The following FAM124A variants were observed in gnomAD, a reference collection of about 807,000 sequenced individuals.
FAM124A encodes the protein protein FAM124A.
FAM124A carries 23 observed loss-of-function variants against 24.5 expected under a neutral mutation model. That is an observed-to-expected ratio of 0.94 (90% CI 0.68 to 1.33). The LOEUF is 1.33. Ranked by LOEUF, FAM124A falls within the 40% of genes most tolerant of loss-of-function variation. The pLI is 0.00. For synonymous variants in FAM124A, 287 were observed against 314.7 expected (o/e 0.91, Z 0.93); for missense variants, 623 against 722.8 (o/e 0.86, Z 1.58).
chr13:51,239,018 C>G (rs774163873), intron 2 of FAM124A, among the ~76,000 whole-genome samples: 3 of 151,992 alleles, frequency 2.0e-5, no homozygotes, highest in Non-Finnish European at 4.4e-5. Flanking sequence ...GATTTCCATC[C>G]GGGATATGAA....
chr13:51,244,233 C>G (rs554739239), intron 2 of FAM124A, among the ~76,000 whole-genome samples: 1 of 152,158 alleles, frequency 6.6e-6, no homozygotes, highest in Non-Finnish European at 1.5e-5. Flanking sequence ...TTGGAAACCA[C>G]GTTGAGCATG....
Position 51,261,465 on chromosome 13 carries a change from G to A in FAM124A, c.834+9264G>A, listed in dbSNP as rs914259828. ...AAAATAATTTCTCAGAGCATCATCT[G>A]GGTTTAATATTCCGGCGGCAGGTAT... On this transcript the variant is annotated intron_variant, in intron 3 of 3. Coordinates refer to ENST00000322475, the MANE Select transcript of FAM124A (RefSeq NM_001242312.2). Among the ~76,000 whole-genome samples, 8 of 152,216 alleles carry A rather than the reference G, an allele frequency of 5.3e-5. 1 individual carries two copies. The highest frequency in any genetic ancestry group is 2.0e-4 in the Admixed American group (3 of 15,280).
At position 51,283,015 on chromosome 13, in the gene FAM124A, A is replaced by G. The variant is rs1003582972; in HGVS notation, c.*1759A>G. 6.6e-6 allele frequency: 1 copy of G among 152,066 alleles called. No individual in the cohort carries two copies. The highest frequency in any genetic ancestry group is 6.6e-5 in the Admixed American group (1 of 15,250). The allele number at this position is 152,066 out of a possible 1,614,324, so 9.4% of individuals were successfully genotyped here. ...GCAGCCATGAGTAATATGTTAATGA[A>G]TGGGAATGGCTGAGTTCCAATAAAG... On this transcript the variant is annotated 3_prime_UTR_variant, in exon 4 of 4. Transcript: ENST00000322475.
intron 2 of FAM124A, among the ~76,000 whole-genome samples, chr13:51,234,974 C>T (rs891851624): frequency 6.6e-6 from 1 of 152,156 alleles, no homozygotes; most frequent in Non-Finnish European, 1.5e-5. Context: ...TCCTCTTTTC[C>T]TCCACCTCAC....
chr13:51,270,293 C>T (rs17194872), intron 3 of FAM124A, among the ~76,000 whole-genome samples: 12,669 of 152,232 alleles, frequency 0.083, 613 homozygotes, highest in Non-Finnish European at 0.11. Context: ...TTATTTACAA[C>T]GTACTTGCAT....
At chr13:51,264,175 A>C (rs764472910) in intron 3 of FAM124A, among the ~76,000 whole-genome samples, 2 of 152,176 alleles carry the variant, frequency 1.3e-5, no homozygotes, top group Admixed American at 6.5e-5. Context: ...AATGCCCATG[A>C]TTGCTATTTG....
At chr13:51,246,447 G>A (rs1954563376) in intron 2 of FAM124A, among the ~76,000 whole-genome samples, 1 of 148,974 alleles carries the variant, frequency 6.7e-6, no homozygotes, top group South Asian at 2.1e-4. Flanking sequence ...GCTTGAAGCT[G>A]CGTTCTGTGT....
At position 51,251,342 on chromosome 13, in the gene FAM124A, C is replaced by T; in HGVS notation, c.101-126C>T. 8.0e-7 allele frequency: 1 copy of T among 1,251,960 alleles called. No individual in the cohort carries two copies. Among genetic ancestry groups the T allele is most frequent in the Non-Finnish European group, 1.1e-6 (1 of 949,878 alleles). 77.6% of individuals were successfully genotyped at this position (1,251,960 alleles called of 1,614,324 possible). A position where few individuals can be genotyped will look rare whatever the true frequency, so the allele number is the denominator to read the frequency against. On this transcript the variant is annotated intron_variant, in intron 2 of 3. Coordinates refer to ENST00000322475, the MANE Select transcript of FAM124A (RefSeq NM_001242312.2). This position sits in a 1 kb window ranked among gnomAD's most constrained non-coding sequence, Gnocchi z 5.3. Reference sequence around the variant, plus strand: ...AACTTGGGATCAGAAAATCACAGGTCATGGAGTCAGTTCAGTTAGAATTTG... The same window carrying T: ...AACTTGGGATCAGAAAATCACAGGTTATGGAGTCAGTTCAGTTAGAATTTG...
intron 1 of FAM124A, among the ~76,000 whole-genome samples, chr13:51,224,741 G>A (rs1593581644): frequency 6.6e-6 from 1 of 152,132 alleles, no homozygotes; most frequent in East Asian, 1.9e-4. Context: ...ATGCAAATCT[G>A]ATCATGTCTC....
Position 51,251,611 on chromosome 13 carries a change from T to A in FAM124A, c.244T>A (p.Ser82Thr), listed in dbSNP as rs1319536412. The A allele has an allele frequency of 6.3e-7, 1 of 1,575,544 alleles. No individual in the cohort carries two copies. Among genetic ancestry groups the A allele is most frequent in the East Asian group, 2.3e-5 (1 of 44,350 alleles). The change falls in exon 3 of 4, where the codon TCC becomes ACC. Residue 82 changes from serine to threonine, a missense_variant. Coordinates refer to ENST00000322475, the MANE Select transcript of FAM124A (RefSeq NM_001242312.2). This position sits in a 1 kb window ranked among gnomAD's most constrained non-coding sequence, Gnocchi z 5.3. ...CCCCGACCTCCCGCTGTTCCGGGTGTCCGAGAGGCGGGCGTCCCGGCGGCG... is the reference window on the plus strand; with the variant it reads ...CCCCGACCTCCCGCTGTTCCGGGTGACCGAGAGGCGGGCGTCCCGGCGGCG... ...IHPDLPLFRV[S>T]ERRASRRRRK...
At chr13:51,259,203 A>G (rs1593603451) in intron 3 of FAM124A, among the ~76,000 whole-genome samples, 1 of 152,022 alleles carries the variant, frequency 6.6e-6, no homozygotes, top group African/African-American at 2.4e-5. Context: ...TCCGTCTCTA[A>G]ATGCCACTGG....
At chr13:51,243,261 G>A (rs1954519670) in intron 2 of FAM124A, among the ~76,000 whole-genome samples, 1 of 152,200 alleles carries the variant, frequency 6.6e-6, no homozygotes, top group Admixed American at 6.5e-5. Context: ...GGTGGAGTAA[G>A]GGAGTTGCTT....
chr13:51,243,371 G>A (rs766884139), intron 2 of FAM124A, among the ~76,000 whole-genome samples: 18 of 152,134 alleles, frequency 1.2e-4, no homozygotes, highest in Non-Finnish European at 2.4e-4. Flanking sequence ...GATGAATAGC[G>A]TCTCCCAGGA....
At chr13:51,255,962 A>G (rs893095469) in intron 3 of FAM124A, among the ~76,000 whole-genome samples, 1 of 152,194 alleles carries the variant, frequency 6.6e-6, no homozygotes, top group Non-Finnish European at 1.5e-5. Flanking sequence ...CCTGGAGCCT[A>G]TTCTCTATGT....
chr13:51,282,349 T>G lies in FAM124A; in HGVS notation c.*1093T>G, dbSNP rs1044563046. 2 of 152,352 alleles carry G rather than the reference T, an allele frequency of 1.3e-5. No homozygotes were observed. Among genetic ancestry groups the G allele is most frequent in the Admixed American group, 6.5e-5 (1 of 15,306 alleles). 9.4% of individuals were successfully genotyped at this position (152,352 alleles called of 1,614,324 possible). ...CTCTCCTGAACAAACACCAGTGCAC[T>G]GCCAGCCTCACATGATTGCATGGGA... On this transcript the variant is annotated 3_prime_UTR_variant, in exon 4 of 4. Transcript: ENST00000322475.
intron 3 of FAM124A, among the ~76,000 whole-genome samples, chr13:51,279,317 T>C (rs1476008399): frequency 6.6e-6 from 1 of 152,138 alleles, no homozygotes; most frequent in Non-Finnish European, 1.5e-5. Flanking sequence ...ATCTGAGCCT[T>C]TTGGGGCTGC....
intron 3 of FAM124A, among the ~76,000 whole-genome samples, chr13:51,271,576 G>T (rs1954840592): frequency 6.6e-6 from 1 of 152,092 alleles, no homozygotes; most frequent in African/African-American, 2.4e-5. Flanking sequence ...ACCCACCCCG[G>T]AGATTCTGTT....
At chr13:51,276,666 C>T (rs550917211) in intron 3 of FAM124A, among the ~76,000 whole-genome samples, 1 of 152,240 alleles carries the variant, frequency 6.6e-6, no homozygotes, top group South Asian at 2.1e-4. Flanking sequence ...GTGAAAACCA[C>T]CCAAAGGAAA....
At chr13:51,277,305 A>G (rs1954894231) in intron 3 of FAM124A, among the ~76,000 whole-genome samples, 1 of 147,412 alleles carries the variant, frequency 6.8e-6, no homozygotes, top group African/African-American at 2.5e-5. Flanking sequence ...AGAGTGGAAT[A>G]AGAGACACTG....
Sources: allele counts gnomAD v4.1 joint callset (sites outside exome capture counted in the v4.1 genomes callset), GRCh38; gene constraint gnomAD v4.1.1; non-coding constraint Gnocchi (gnomAD v3.1); transcripts MANE v1.5; gene names NCBI Gene and HGNC (gene_info 2026-07-23, HGNC 2026-07-21).